Variants in SLC25A24 observed in about 807,000 individuals in gnomAD.
The protein encoded by SLC25A24 is solute carrier family 25 member 24.
A neutral mutation model predicts 60.7 loss-of-function variants in SLC25A24; 49 were observed. That is an observed-to-expected ratio of 0.81 (90% CI 0.64 to 1.02). The LOEUF is 1.02. SLC25A24 is among the 50% of genes least tolerant of loss of function. The pLI is 0.00. For synonymous variants in SLC25A24, 202 were observed against 200.6 expected (o/e 1.01, Z -0.06); for missense variants, 564 against 586.3 (o/e 0.96, Z 0.39).
intron 3 of SLC25A24, among the ~76,000 whole-genome samples, chr1:108,176,799 G>A (rs531093850): frequency 6.6e-6 from 1 of 152,268 alleles, no homozygotes; most frequent in East Asian, 1.9e-4. Flanking sequence ...AAATGAAGGA[G>A]AGATACTTTC....
Position 108,200,271 on chromosome 1 carries a change from T to G in SLC25A24, c.-133A>C. On this transcript the variant is annotated 5_prime_UTR_variant, in exon 1 of 10. Coordinates refer to ENST00000565488, the MANE Select transcript of SLC25A24 (RefSeq NM_013386.5). Reference sequence around the variant, plus strand: ...ACAGCGTTTGGGGCGCCGTCGGGGTTGCGGCTGCGGCGCGCAGGGCGCAGG... The same window carrying G: ...ACAGCGTTTGGGGCGCCGTCGGGGTGGCGGCTGCGGCGCGCAGGGCGCAGG... The G allele has an allele frequency of 1.4e-5, 11 of 813,978 alleles. No individual in the cohort carries two copies. The highest frequency in any genetic ancestry group is 1.8e-5 in the Non-Finnish European group (11 of 598,384). The allele number at this position is 813,978 out of a possible 1,614,324, so 50.4% of individuals were successfully genotyped here. A position where few individuals can be genotyped will look rare whatever the true frequency, so the allele number is the denominator to read the frequency against.
chr1:108,198,255 G>T (rs1424802594), intron 1 of SLC25A24, among the ~76,000 whole-genome samples: 2 of 152,180 alleles, frequency 1.3e-5, no homozygotes, highest in Admixed American at 1.3e-4. Flanking sequence ...GAAATGAAAA[G>T]GAATTTCACC....
At position 108,192,735 on chromosome 1, in the gene SLC25A24, A is replaced by G; in HGVS notation, c.184-6781T>C. 5.7e-6 allele frequency: 8 copies of G among 1,399,792 alleles called. 1 individual carries two copies. The highest frequency in any genetic ancestry group is 1.9e-6 in the Non-Finnish European group (2 of 1,065,616). 86.7% of individuals were successfully genotyped at this position (1,399,792 alleles called of 1,614,324 possible). A position where few individuals can be genotyped will look rare whatever the true frequency, so the allele number is the denominator to read the frequency against. ...CACGTCCAGTGGGAAGAGGCCTAAG[A>G]CAGCATCCTCCTCAGGGGCGCCAAA... On this transcript the variant is annotated intron_variant, in intron 1 of 9. Transcript: ENST00000565488.
At chr1:108,140,455 A>G (rs1489562668) in intron 8 of SLC25A24, among the ~76,000 whole-genome samples, 1 of 152,136 alleles carries the variant, frequency 6.6e-6, no homozygotes, top group East Asian at 1.9e-4. Context: ...ATGAAACTCT[A>G]TGGTAAAGGT....
chr1:108,156,515 AT>A (rs1336726036), intron 5 of SLC25A24, among the ~76,000 whole-genome samples: 1 of 152,226 alleles, frequency 6.6e-6, no homozygotes, highest in Non-Finnish European at 1.5e-5. Context: ...CCCTAAATAA[AT>A]TTTGAGATTT....
intron 3 of SLC25A24, among the ~76,000 whole-genome samples, chr1:108,176,157 G>GA (rs1308215237): frequency 5.3e-5 from 8 of 151,878 alleles, no homozygotes; most frequent in Non-Finnish European, 1.2e-4. Flanking sequence ...ACCACAAAGA[G>GA]AAAGGTAATA....
At chr1:108,187,622 T>C (rs1168618541) in intron 1 of SLC25A24, among the ~76,000 whole-genome samples, 1 of 152,052 alleles carries the variant, frequency 6.6e-6, no homozygotes, top group East Asian at 1.9e-4. Flanking sequence ...ACTCAGATTT[T>C]AAAGAAATTT....
Position 108,139,119 on chromosome 1 carries a change from G to T in SLC25A24, c.1188C>A (p.Ser396Arg), listed in dbSNP as rs761717059. ...MVLLGCGALSSTCGQLASYPL... is the reference protein window; with the variant it reads ...MVLLGCGALSRTCGQLASYPL... ...GGTAGCTGGCCAGCTGACCACAGGTGCTGGATAAGGCACCGCATCCCAGCA... is the reference window on the plus strand; with the variant it reads ...GGTAGCTGGCCAGCTGACCACAGGTTCTGGATAAGGCACCGCATCCCAGCA... Residue 396 changes from serine to arginine, a missense_variant, in exon 9 of 10, where the codon AGC becomes AGA. By Grantham distance (110) the Ser-to-Arg change is moderately radical (BLOSUM62 -1). Coordinates refer to ENST00000565488, the MANE Select transcript of SLC25A24 (RefSeq NM_013386.5). 3.1e-6 allele frequency: 5 copies of T among 1,610,630 alleles called. No individual in the cohort carries two copies. The African/African-American group carries it at 6.7e-5, about 21-fold the overall frequency.
intron 6 of SLC25A24, 35 bp from the exon 7 acceptor site, chr1:108,148,421 C>T (rs1679665881): frequency 8.7e-7 from 1 of 1,144,740 alleles, no homozygotes; most frequent in Admixed American, 1.7e-5. Flanking sequence ...ACATTACTAC[C>T]TGCTGTGGAC....
At position 108,176,562 on chromosome 1, in the gene SLC25A24, C is replaced by A. The variant is rs111317819; in HGVS notation, c.398+5379G>T. On this transcript the variant is annotated intron_variant, in intron 3 of 9. Coordinates refer to ENST00000565488, the MANE Select transcript of SLC25A24 (RefSeq NM_013386.5). ...ATCAGATTCAATCCAAACAAGACTA[C>A]CCCAAGACATATTACAATCAAACTA... Among the ~76,000 whole-genome samples the A allele has an allele frequency of 5.5e-3, 832 of 152,148 alleles. 6 individuals carry two copies. The highest frequency in any genetic ancestry group is 0.02 in the African/African-American group (814 of 41,494).
intron 1 of SLC25A24, among the ~76,000 whole-genome samples, chr1:108,188,830 CATAGT>C (rs1304548215): frequency 2.0e-5 from 3 of 152,168 alleles, no homozygotes; most frequent in African/African-American, 7.2e-5. Flanking sequence ...CTTAGGCATG[CATAGT>C]TACCTCTTCA....
intron 3 of SLC25A24, among the ~76,000 whole-genome samples, chr1:108,178,604 G>A (rs1214206903): frequency 2.0e-5 from 3 of 152,066 alleles, no homozygotes; most frequent in African/African-American, 7.2e-5. Context: ...CACGAGGCCA[G>A]GAGATCAAGA....
chr1:108,136,860 A>G lies in SLC25A24; in HGVS notation c.1250-23T>C, dbSNP rs199598099. Reference sequence around the variant, plus strand: ...TGGCTAAAAAATAAAAAAAGAGGGTAATTTAATATTCAAGTATGTTTCATT... The same window carrying G: ...TGGCTAAAAAATAAAAAAAGAGGGTGATTTAATATTCAAGTATGTTTCATT... On this transcript the variant is annotated intron_variant, in intron 9 of 9. Transcript: ENST00000565488. 2.2e-5 allele frequency: 35 copies of G among 1,592,982 alleles called. No homozygotes were observed. In the African/African-American group the frequency reaches 3.2e-4, roughly 15 times the overall value.
At chr1:108,148,463 A>T (rs1358289485) in intron 6 of SLC25A24, 77 bp from the exon 7 acceptor site, 1 of 823,024 alleles carries the variant, frequency 1.2e-6, no homozygotes, top group Non-Finnish European at 2.1e-6. Flanking sequence ...TCATATGTTG[A>T]AGCTGTAACC....
intron 1 of SLC25A24, among the ~76,000 whole-genome samples, chr1:108,198,133 C>T (rs1300301896): frequency 2.0e-5 from 3 of 152,306 alleles, no homozygotes; most frequent in East Asian, 3.9e-4. Flanking sequence ...GCCAGCACCA[C>T]GCTTCTTAAA....
chr1:108,179,258 T>C (rs1043617775), intron 3 of SLC25A24, among the ~76,000 whole-genome samples: 13 of 152,062 alleles, frequency 8.5e-5, no homozygotes, highest in Admixed American at 7.9e-4. Flanking sequence ...GGCAAGTATG[T>C]AGAGAAAAGG....
chr1:108,150,262 T>G (rs1297344206), intron 6 of SLC25A24, among the ~76,000 whole-genome samples: 1 of 152,118 alleles, frequency 6.6e-6, no homozygotes, highest in Non-Finnish European at 1.5e-5. Flanking sequence ...CCCCGAAACA[T>G]ACCATATACA....
In SLC25A24 at chr1:108,180,616, A is replaced by ATCCCTCTCTCTCTCTCTCTCTC. The variant is rs532485349; in HGVS notation, c.398+1324_398+1325insGAGAGAGAGAGAGAGAGAGGGA. Among the ~76,000 whole-genome samples, 11 of 61,814 alleles carry ATCCCTCTCTCTCTCTCTCTCTC rather than the reference A, an allele frequency of 1.8e-4. 2 individuals are homozygous for ATCCCTCTCTCTCTCTCTCTCTC. The highest frequency in any genetic ancestry group is 7.6e-4 in the African/African-American group (11 of 14,538). The allele number at this position is 61,814 out of a possible 152,430, so 40.6% of individuals were successfully genotyped here. A position where few individuals can be genotyped will look rare whatever the true frequency, so the allele number is the denominator to read the frequency against. Reference sequence around the variant, plus strand: ...CCTTATAATAGAAAGCAAGAGAAAGATCTCTCTCTCTCTCTCTCTCTCTCT... The same window carrying ATCCCTCTCTCTCTCTCTCTCTC: ...CCTTATAATAGAAAGCAAGAGAAAGATCCCTCTCTCTCTCTCTCTCTCTCTCTCTCTCTCTCTCTCTCTCTCT... On this transcript the variant is annotated intron_variant, in intron 3 of 9. Transcript: ENST00000565488.
chr1:108,152,103 T>G (rs144151934), intron 6 of SLC25A24, among the ~76,000 whole-genome samples: 1 of 152,340 alleles, frequency 6.6e-6, no homozygotes, highest in African/African-American at 2.4e-5. Context: ...ATTCCTTAAA[T>G]GTGAATGTAC....
Sources: allele counts gnomAD v4.1 joint callset (sites outside exome capture counted in the v4.1 genomes callset), GRCh38; gene constraint gnomAD v4.1.1; transcripts MANE v1.5; gene names NCBI Gene and HGNC (gene_info 2026-07-23, HGNC 2026-07-21).